KHDRBS2: variants seen among roughly 807,000 people sequenced by gnomAD.
KHDRBS2 encodes the protein KH domain-containing, RNA-binding, signal transduction-associated protein 2.
A neutral mutation model predicts 44.3 loss-of-function variants in KHDRBS2; 26 were observed. The observed-to-expected ratio is 0.59, with a 90% CI of 0.43 to 0.81. KHDRBS2 has a LOEUF of 0.81. Among genes scored for constraint, KHDRBS2 ranks in the 40% least tolerant of loss-of-function variants. KHDRBS2 has a pLI of 0.00. For missense variants in KHDRBS2, 476 were observed against 433.1 expected (o/e 1.10, Z -0.88); for synonymous variants, 194 against 151.1 (o/e 1.28, Z -2.08).
chr6:62,073,282 T>C (rs923108099), intron 2 of KHDRBS2, among the ~76,000 whole-genome samples: 4 of 151,772 alleles, frequency 2.6e-5, no homozygotes, highest in Non-Finnish European at 4.4e-5. Flanking sequence ...CTTCAGTCAG[T>C]TTTGATAATT....
intron 1 of KHDRBS2, among the ~76,000 whole-genome samples, chr6:62,202,508 AT>A (rs568669370): frequency 1.8e-4 from 27 of 149,418 alleles, no homozygotes; most frequent in African/African-American, 5.4e-4. Flanking sequence ...AGAGAGAGAG[AT>A]TTTTTTTTTC....
At chr6:61,615,890 C>A in the KHDRBS2 span, among the ~76,000 whole-genome samples, 3 of 152,140 alleles carry the variant, frequency 2.0e-5, no homozygotes, top group African/African-American at 7.2e-5. Context: ...AGAGATATGG[C>A]CCAAGTCTAG....
chr6:62,090,162 A>G (rs1392805868), intron 2 of KHDRBS2, among the ~76,000 whole-genome samples: 1 of 152,220 alleles, frequency 6.6e-6, no homozygotes, highest in East Asian at 1.9e-4. Flanking sequence ...AAATTATTTC[A>G]AAAATAATCT....
chr6:62,029,892 T>C (rs1784039845), intron 3 of KHDRBS2, among the ~76,000 whole-genome samples: 1 of 151,952 alleles, frequency 6.6e-6, no homozygotes, highest in Non-Finnish European at 1.5e-5. Flanking sequence ...TGTGCACATG[T>C]AGATATAAGC....
chr6:61,548,477 G>T, the KHDRBS2 span, among the ~76,000 whole-genome samples: 2 of 152,060 alleles, frequency 1.3e-5, no homozygotes, highest in Non-Finnish European at 2.9e-5. Context: ...GATCTCAAGG[G>T]ATGTAGAAGT....
intron 6 of KHDRBS2, among the ~76,000 whole-genome samples, chr6:61,880,577 A>T (rs1800062603): frequency 6.6e-6 from 1 of 151,942 alleles, no homozygotes; most frequent in Non-Finnish European, 1.5e-5. Flanking sequence ...TGCTTAAAAC[A>T]TTTTAATTTA....
rs542458365 is a variant in KHDRBS2 at position 62,180,151 on chromosome 6, C to T, written c.92-2839G>A. 4.0e-5 allele frequency among the ~76,000 whole-genome samples: 6 copies of T among 151,864 alleles called. 1 individual carries two copies. In the South Asian group the frequency reaches 1.0e-3, roughly 26 times the overall value. ...AGAGATCCAGAACAATGTGGGGATGCCCCGTCTTACAACTTCTATTCAACG... is the reference window on the plus strand; with the variant it reads ...AGAGATCCAGAACAATGTGGGGATGTCCCGTCTTACAACTTCTATTCAACG... On this transcript the variant is annotated intron_variant, in intron 1 of 8. Coordinates refer to ENST00000281156, the MANE Select transcript of KHDRBS2 (RefSeq NM_152688.4).
At chr6:62,200,562 G>A (rs368311071) in intron 1 of KHDRBS2, among the ~76,000 whole-genome samples, 12 of 152,198 alleles carry the variant, frequency 7.9e-5, no homozygotes, top group East Asian at 1.9e-4. Context: ...TTAGAATGGC[G>A]ATCATTAAAA....
chr6:61,591,904 G>A, the KHDRBS2 span, among the ~76,000 whole-genome samples: 37 of 152,222 alleles, frequency 2.4e-4, no homozygotes, highest in African/African-American at 8.4e-4. Context: ...AGGAGAAAAG[G>A]GGCCAGGTGT....
chr6:62,280,774 T>C (rs182220676), intron 1 of KHDRBS2, among the ~76,000 whole-genome samples: 1 of 152,250 alleles, frequency 6.6e-6, no homozygotes, highest in East Asian at 1.9e-4. Context: ...AAAGAGTCGA[T>C]CGGGAGAAAG....
intron 6 of KHDRBS2, among the ~76,000 whole-genome samples, chr6:61,800,810 A>AT (rs1293993590): frequency 6.6e-6 from 1 of 151,940 alleles, no homozygotes; most frequent in Non-Finnish European, 1.5e-5. Flanking sequence ...TCTTTTTAGG[A>AT]TTGGGACAAC....
At chr6:62,072,932 G>A (rs772513680) in intron 2 of KHDRBS2, among the ~76,000 whole-genome samples, 26 of 151,998 alleles carry the variant, frequency 1.7e-4, no homozygotes, top group Non-Finnish European at 2.9e-4. Context: ...GCTCCCCCTT[G>A]TACCTCTGGT....
At position 62,134,497 on chromosome 6, in the gene KHDRBS2, AG is replaced by A. The variant is rs376777585; in HGVS notation, c.219+42687del. ...ATTGTGGAAGAGAAATGTGGTGTTG[AG>A]GTCCCCACACAGAGTCCCCACTGGG... On this transcript the variant is annotated intron_variant, in intron 2 of 8. Transcript: ENST00000281156. 1.4e-3 allele frequency among the ~76,000 whole-genome samples: 219 copies of A among 152,282 alleles called. 1 individual carries two copies. In the Middle Eastern group the frequency reaches 0.041, roughly 28 times the overall value.
At chr6:62,208,420 A>G (rs1828410120) in intron 1 of KHDRBS2, among the ~76,000 whole-genome samples, 1 of 152,166 alleles carries the variant, frequency 6.6e-6, no homozygotes, top group Non-Finnish European at 1.5e-5. Flanking sequence ...AGTGAAAAAC[A>G]ACAGTAAAAT....
At chr6:61,856,232 C>T (rs1362601972) in intron 6 of KHDRBS2, among the ~76,000 whole-genome samples, 1 of 152,130 alleles carries the variant, frequency 6.6e-6, no homozygotes, top group African/African-American at 2.4e-5. Context: ...ACTGTGTCAA[C>T]ATTGGAATCC....
chr6:61,554,907 G>A, the KHDRBS2 span, among the ~76,000 whole-genome samples: 7 of 152,180 alleles, frequency 4.6e-5, no homozygotes, highest in East Asian at 9.7e-4. Context: ...CCCTTTGTAG[G>A]TGACCTGCCC....
chr6:61,785,384 A>G (rs1406861870), intron 6 of KHDRBS2, among the ~76,000 whole-genome samples: 5 of 152,166 alleles, frequency 3.3e-5, no homozygotes, highest in East Asian at 1.9e-4. Context: ...ATAAATTTGT[A>G]TAAATATTTT....
At chr6:62,002,042 T>G (rs1778336760) in intron 3 of KHDRBS2, among the ~76,000 whole-genome samples, 2 of 152,136 alleles carry the variant, frequency 1.3e-5, no homozygotes, top group Non-Finnish European at 2.9e-5. Flanking sequence ...TAATGTTCCC[T>G]AATATCTGTA....
chr6:61,577,499 T>C, the KHDRBS2 span, among the ~76,000 whole-genome samples: 2 of 152,112 alleles, frequency 1.3e-5, no homozygotes, highest in East Asian at 1.9e-4. Flanking sequence ...TCTCAGACTT[T>C]TGATATGGAA....
Sources: gnomAD v4.1 joint callset for allele counts (sites outside exome capture counted in the v4.1 genomes callset) on GRCh38, gnomAD v4.1.1 for gene constraint, MANE v1.5 for transcripts, NCBI Gene and HGNC (gene_info 2026-07-23, HGNC 2026-07-21) for gene names.